PDCL3: variants seen among roughly 807,000 people sequenced by gnomAD.
The protein encoded by PDCL3 is phosducin like 3, also known as phosducin-like protein 3.
In PDCL3, 22 loss-of-function variants were observed where a neutral mutation model predicts 26.5. That is an observed-to-expected ratio of 0.83 (90% CI 0.59 to 1.19). The LOEUF (loss-of-function observed/expected upper bound fraction) is 1.19. Among genes scored for constraint, PDCL3 ranks in the 50% most tolerant of loss-of-function variants. The pLI, the probability that PDCL3 is intolerant of heterozygous loss-of-function variation, is 0.00. For synonymous variants in PDCL3, 81 were observed against 104.9 expected (o/e 0.77, Z 1.39); for missense variants, 246 against 294.1 (o/e 0.84, Z 1.20).
At chr2:100,564,905 G>A (rs1235822436) in intron 1 of PDCL3, among the ~76,000 whole-genome samples, 1 of 152,136 alleles carries the variant, frequency 6.6e-6, no homozygotes, top group Non-Finnish European at 1.5e-5. Context: ...AGGATTCAGG[G>A]ACAAGGTACA....
chr2:100,563,141 G>C (rs1253123636), intron 1 of PDCL3, 68 bp downstream of exon 1: 7 of 1,538,696 alleles, frequency 4.5e-6, no homozygotes, highest in East Asian at 2.5e-5. Flanking sequence ...GCCCGGGCGG[G>C]CAGTGGACGC....
Position 100,565,025 on chromosome 2 carries a change from G to T in PDCL3, c.7-1478G>T, listed in dbSNP as rs562890949. Among the ~76,000 whole-genome samples, 8 of 152,334 alleles carry T rather than the reference G, an allele frequency of 5.3e-5. No homozygotes were observed. The South Asian group carries it at 1.7e-3, about 32-fold the overall frequency. Reference sequence around the variant, plus strand: ...TTCTGTCAGCCAAGCCTCATCTGCAGCCTGAGATCCTCAAAATGTCACAGT... The same window carrying T: ...TTCTGTCAGCCAAGCCTCATCTGCATCCTGAGATCCTCAAAATGTCACAGT... On this transcript the variant is annotated intron_variant, in intron 1 of 5. Coordinates refer to ENST00000264254, the MANE Select transcript of PDCL3 (RefSeq NM_024065.5).
At chr2:100,563,133 C>G in intron 1 of PDCL3, 60 bp downstream of exon 1, 1 of 1,557,568 alleles carries the variant, frequency 6.4e-7, no homozygotes. Flanking sequence ...CTCGTTAGGC[C>G]CGGGCGGGCA....
intron 1 of PDCL3, among the ~76,000 whole-genome samples, chr2:100,564,497 C>T (rs1431030484): frequency 6.6e-6 from 1 of 152,112 alleles, no homozygotes; most frequent in Non-Finnish European, 1.5e-5. Context: ...AAGGTTTCAC[C>T]ATGTTAGCCA....
chr2:100,567,225 C>T (rs923169512), intron 2 of PDCL3, among the ~76,000 whole-genome samples: 3 of 152,174 alleles, frequency 2.0e-5, no homozygotes, highest in African/African-American at 7.2e-5. Context: ...GTCCCAGGGA[C>T]TAGTACTTTT....
At chr2:100,569,856 C>G in intron 4 of PDCL3, 135 bp downstream of exon 4, 1 of 929,444 alleles carries the variant, frequency 1.1e-6, no homozygotes, top group Non-Finnish European at 1.5e-6. Context: ...CCTGTAATCC[C>G]AGCACTTTGG....
Position 100,566,495 on chromosome 2 carries a change from T to A in PDCL3, c.7-8T>A. The A allele has an allele frequency of 6.2e-7, 1 of 1,611,246 alleles. No homozygotes were observed. The highest frequency in any genetic ancestry group is 1.1e-5 in the South Asian group (1 of 90,814). ...GCACTCATGGTAACCTTGGTCCCGC[T>A]CTTCTAGGACCCCAACGCAGACACT... On this transcript the variant is annotated splice_region_variant and splice_polypyrimidine_tract_variant and intron_variant, in intron 1 of 5. Coordinates refer to ENST00000264254, the MANE Select transcript of PDCL3 (RefSeq NM_024065.5).
At chr2:100,575,985 C>T (rs1675277943) in intron 5 of PDCL3, among the ~76,000 whole-genome samples, 1 of 151,572 alleles carries the variant, frequency 6.6e-6, no homozygotes, top group African/African-American at 2.4e-5. Flanking sequence ...GCCTTGAACT[C>T]CTGGGCTCAA....
At chr2:100,563,200 C>T (rs1674984901) in intron 1 of PDCL3, 127 bp downstream of exon 1, 7 of 1,215,828 alleles carry the variant, frequency 5.8e-6, no homozygotes, top group South Asian at 4.8e-5. Context: ...AGGCCCGGCG[C>T]GTCCAGGCCC....
intron 1 of PDCL3, among the ~76,000 whole-genome samples, chr2:100,566,126 A>G (rs1675055326): frequency 6.6e-6 from 1 of 151,938 alleles, no homozygotes; most frequent in African/African-American, 2.4e-5. Context: ...GATGGTCTCT[A>G]TCTCCTGACC....
At chr2:100,571,126 A>AAACAACAACAAAAAAAAAAC (rs1409370341) in intron 4 of PDCL3, among the ~76,000 whole-genome samples, 2 of 142,658 alleles carry the variant, frequency 1.4e-5, no homozygotes, top group African/African-American at 5.4e-5. Context: ...AAAAAAAAAA[A>AAACAACAACAAAAAAAAAAC]AAAAAATCAG....
At chr2:100,574,076 T>A (rs563303613) in intron 5 of PDCL3, among the ~76,000 whole-genome samples, 1 of 152,244 alleles carries the variant, frequency 6.6e-6, no homozygotes, top group African/African-American at 2.4e-5. Context: ...CTATCTTGGC[T>A]CACTCCAGCC....
At chr2:100,571,957 G>A (rs568435861) in intron 5 of PDCL3, 159 bp downstream of exon 5, 12 of 675,776 alleles carry the variant, frequency 1.8e-5, no homozygotes, top group African/African-American at 1.3e-4. Flanking sequence ...TCTTAGTTGC[G>A]TAATCAGGAA....
chr2:100,572,579 G>A (rs1675199981), intron 5 of PDCL3, among the ~76,000 whole-genome samples: 1 of 148,960 alleles, frequency 6.7e-6, no homozygotes, highest in Non-Finnish European at 1.5e-5. Context: ...GTGCAATCAC[G>A]TGATCTCGGC....
rs1364172711 is a variant in PDCL3, at chr2:100,563,153, C to G, written c.6+80C>G. 1.2e-5 allele frequency: 18 copies of G among 1,508,046 alleles called. No homozygotes were observed. The East Asian group carries it at 2.3e-4, about 19-fold the overall frequency. The allele number at this position is 1,508,046 out of a possible 1,614,324, so 93.4% of individuals were successfully genotyped here. A position where few individuals can be genotyped will look rare whatever the true frequency, so the allele number is the denominator to read the frequency against. On this transcript the variant is annotated intron_variant, in intron 1 of 5. Transcript: ENST00000264254. Reference sequence around the variant, plus strand: ...TAGGCCCGGGCGGGCAGTGGACGCCCGCCCTGGGGGAAGCTCCGGCGCCGC... The same window carrying G: ...TAGGCCCGGGCGGGCAGTGGACGCCGGCCCTGGGGGAAGCTCCGGCGCCGC...
intron 4 of PDCL3, among the ~76,000 whole-genome samples, chr2:100,570,364 GGCCTTTACAGTAGTAATT>G: frequency 6.6e-6 from 1 of 152,102 alleles, no homozygotes; most frequent in African/African-American, 2.4e-5. Flanking sequence ...TGGCAAGGTT[GGCCTTTACAGTAGTAATT>G]GCCTGAACTG....
At chr2:100,565,332 C>A (rs909918905) in intron 1 of PDCL3, among the ~76,000 whole-genome samples, 12 of 141,826 alleles carry the variant, frequency 8.5e-5, no homozygotes, top group Non-Finnish European at 1.1e-4. Flanking sequence ...TGGAGTGCAG[C>A]GGCTCGATCT....
chr2:100,569,402 CTGAAACATCTAGG>C (rs1675124612), intron 3 of PDCL3, among the ~76,000 whole-genome samples, 163 bp from the exon 4 acceptor site: 1 of 152,150 alleles, frequency 6.6e-6, no homozygotes, highest in Non-Finnish European at 1.5e-5. Context: ...TAATTTTCAG[CTGAAACATCTAGG>C]AGCGACTGCA....
intron 4 of PDCL3, among the ~76,000 whole-genome samples, chr2:100,570,865 T>C (rs1319158665): frequency 6.6e-6 from 1 of 152,222 alleles, no homozygotes; most frequent in Non-Finnish European, 1.5e-5. Context: ...AAGAAATGTA[T>C]AGCAATTTTA....
Sources: gnomAD v4.1 joint callset for allele counts (sites outside exome capture counted in the v4.1 genomes callset) on GRCh38, gnomAD v4.1.1 for gene constraint, MANE v1.5 for transcripts, NCBI Gene and HGNC (gene_info 2026-07-23, HGNC 2026-07-21) for gene names.